Variants in CORO2B observed in about 807,000 individuals in gnomAD.
CORO2B encodes the protein coronin 2B, also known as coronin-2B.
A neutral mutation model predicts 58.8 loss-of-function variants in CORO2B; 26 were observed. The ratio of observed to expected loss-of-function variants is 0.44; its 90% confidence interval spans 0.32 to 0.61. The LOEUF (loss-of-function observed/expected upper bound fraction) is 0.61, where lower values mean the gene tolerates loss of function less well. Ranked by LOEUF, CORO2B falls within the 20% of genes least tolerant of loss-of-function variation. CORO2B has a pLI of 0.04. For missense variants in CORO2B, 460 were observed against 645.1 expected (o/e 0.71, Z 3.11); for synonymous variants, 242 against 253.8 (o/e 0.95, Z 0.44).
At chr15:68,697,424 C>CAAAG (rs1281237751) in intron 3 of CORO2B, among the ~76,000 whole-genome samples, 4 of 152,056 alleles carry the variant, frequency 2.6e-5, no homozygotes, top group Non-Finnish European at 5.9e-5. Flanking sequence ...ATCAGTTATC[C>CAAAG]AAAGAAAGAA....
the CORO2B span, among the ~76,000 whole-genome samples, chr15:68,545,612 C>G: frequency 0.17 from 8,758 of 51,916 alleles, 913 homozygotes; most frequent in East Asian, 0.43. Flanking sequence ...ATGCGGGGGG[C>G]GGGGGGGGTA....
chr15:68,598,119 G>C (rs1899887148), intron 1 of CORO2B, among the ~76,000 whole-genome samples: 2 of 152,194 alleles, frequency 1.3e-5, no homozygotes, highest in Admixed American at 1.3e-4. Context: ...CCATAGACTT[G>C]GCTCTGAGAG....
chr15:68,709,298 A>C (rs1800203230), intron 3 of CORO2B, among the ~76,000 whole-genome samples: 2 of 152,082 alleles, frequency 1.3e-5, no homozygotes, highest in Non-Finnish European at 2.9e-5. Context: ...CATCCATTCA[A>C]TCTATAACTT....
the CORO2B span, among the ~76,000 whole-genome samples, chr15:68,565,316 TA>T: frequency 2.0e-5 from 3 of 150,768 alleles, no homozygotes; most frequent in Admixed American, 1.3e-4. Context: ...TCTTTTTATT[TA>T]AAAAAATTTT....
chr15:68,686,433 A>C (rs1902980637), intron 2 of CORO2B, among the ~76,000 whole-genome samples: 1 of 152,226 alleles, frequency 6.6e-6, no homozygotes, highest in African/African-American at 2.4e-5. Flanking sequence ...CCTTAGAGGC[A>C]GACAGCCAAG....
chr15:68,541,004 C>T, the CORO2B span, among the ~76,000 whole-genome samples: 2 of 152,266 alleles, frequency 1.3e-5, no homozygotes, highest in South Asian at 2.1e-4. Context: ...CTGAGATGGG[C>T]AAATAGTTTG....
chr15:68,707,115 C>A (rs150802207), intron 3 of CORO2B, among the ~76,000 whole-genome samples: 2 of 152,190 alleles, frequency 1.3e-5, no homozygotes, highest in African/African-American at 4.8e-5. Flanking sequence ...CGCGCGCCAC[C>A]ACGCCCAGCT....
At chr15:68,671,710 G>C (rs1596003828) in intron 2 of CORO2B, among the ~76,000 whole-genome samples, 1 of 152,128 alleles carries the variant, frequency 6.6e-6, no homozygotes, top group Non-Finnish European at 1.5e-5. Flanking sequence ...CCTCACACCT[G>C]GTCTCTCCAT....
the CORO2B span, among the ~76,000 whole-genome samples, chr15:68,555,297 C>T: frequency 6.6e-6 from 1 of 152,220 alleles, no homozygotes; most frequent in African/African-American, 2.4e-5. Context: ...TCCCTTCCTC[C>T]ACGGTTCCCC....
chr15:68,701,089 C>G lies in CORO2B; in HGVS notation c.333+5833C>G, dbSNP rs893626640. 3.9e-5 allele frequency among the ~76,000 whole-genome samples: 6 copies of G among 152,144 alleles called. No homozygotes were observed. In the East Asian group the frequency reaches 1.2e-3, roughly 29 times the overall value. Reference sequence around the variant, plus strand: ...ACCTCCCGAGCTCCGGAACCAATACCTCTTGGAGCTGGAAGGGAGTGATGC... The same window carrying G: ...ACCTCCCGAGCTCCGGAACCAATACGTCTTGGAGCTGGAAGGGAGTGATGC... On this transcript the variant is annotated intron_variant, in intron 3 of 11. Coordinates refer to ENST00000261861, the MANE Select transcript of CORO2B (RefSeq NM_006091.5).
At chr15:68,686,534 C>A (rs1175391602) in intron 2 of CORO2B, among the ~76,000 whole-genome samples, 1 of 152,034 alleles carries the variant, frequency 6.6e-6, no homozygotes, top group African/African-American at 2.4e-5. Context: ...TGAACTGTTA[C>A]CAGAGGACTA....
At chr15:68,540,097 T>A in the CORO2B span, among the ~76,000 whole-genome samples, 4 of 152,246 alleles carry the variant, frequency 2.6e-5, no homozygotes, top group Non-Finnish European at 2.9e-5. Flanking sequence ...TGAAATCACA[T>A]CAGTATGTTT....
intron 2 of CORO2B, among the ~76,000 whole-genome samples, chr15:68,660,825 C>T (rs751622576): frequency 6.6e-6 from 1 of 152,200 alleles, no homozygotes; most frequent in South Asian, 2.1e-4. Context: ...TTGCCTCAGG[C>T]TTGATGGCTT....
At chr15:68,579,329 C>G in intron 1 of CORO2B, 52 bp downstream of exon 1, 1 of 1,250,290 alleles carries the variant, frequency 8.0e-7, no homozygotes, top group South Asian at 2.9e-5. Flanking sequence ...CTGCATCCCC[C>G]GGGCTAGGCT....
chr15:68,639,839 C>T lies in CORO2B; in HGVS notation c.16-5321C>T, dbSNP rs115165296. ...ATATGTCCCAGTCTTGCGCCTTGTG[C>T]TCATTGGTCCTAAAAGATTCAAAGA... On this transcript the variant is annotated intron_variant, in intron 1 of 11. Coordinates refer to ENST00000261861, the MANE Select transcript of CORO2B (RefSeq NM_006091.5). 2.8e-3 allele frequency among the ~76,000 whole-genome samples: 427 copies of T among 152,298 alleles called. 3 individuals are homozygous for T. The highest frequency in any genetic ancestry group is 0.01 in the African/African-American group (416 of 41,556).
chr15:68,617,135 C>T (rs59278231), intron 1 of CORO2B, among the ~76,000 whole-genome samples: 17 of 150,032 alleles, frequency 1.1e-4, no homozygotes, highest in Non-Finnish European at 2.4e-4. Context: ...CCTTCAAGCC[C>T]GTGCTTTCCA....
At chr15:68,518,765 G>C in the CORO2B span, among the ~76,000 whole-genome samples, 1 of 152,098 alleles carries the variant, frequency 6.6e-6, no homozygotes, top group Non-Finnish European at 1.5e-5. Flanking sequence ...TGGAGAGGGG[G>C]TGGGGGGCTG....
At chr15:68,641,609 G>T in intron 1 of CORO2B, 1 of 985,348 alleles carries the variant, frequency 1.0e-6, no homozygotes, top group Non-Finnish European at 1.2e-6. Context: ...GACTTTGCCG[G>T]GTGGGCTCAG....
At chr15:68,575,449 C>T (rs1899262610), upstream of CORO2B, among the ~76,000 whole-genome samples, 2 of 134,336 alleles carry the variant, frequency 1.5e-5, no homozygotes, top group Admixed American at 1.6e-4. Flanking sequence ...GCAATTCTGC[C>T]TCAGCCTCCT....
Sources: allele counts gnomAD v4.1 joint callset (sites outside exome capture counted in the v4.1 genomes callset), GRCh38; gene constraint gnomAD v4.1.1; transcripts MANE v1.5; gene names NCBI Gene and HGNC (gene_info 2026-07-23, HGNC 2026-07-21).